Variants in RSPO2 observed in about 807,000 individuals in gnomAD.
The protein encoded by RSPO2 is R-spondin-2.
A neutral mutation model predicts 30.9 loss-of-function variants in RSPO2; 14 were observed. The ratio of observed to expected loss-of-function variants is 0.45; its 90% CI spans 0.30 to 0.71. The LOEUF is 0.71. Ranked by LOEUF, RSPO2 falls within the 30% of genes least tolerant of loss-of-function variation. The pLI, the probability that RSPO2 is intolerant of heterozygous loss-of-function variation, is 0.08. For missense variants in RSPO2, 264 were observed against 301.9 expected (o/e 0.87, Z 0.93); for synonymous variants, 107 against 96.4 (o/e 1.11, Z -0.64).
chr8:107,899,530 A>ATTTTCATAACGATGT lies in RSPO2; in HGVS notation c.*1530_*1544dup, dbSNP rs1238924012. 6.6e-6 allele frequency: 1 copy of ATTTTCATAACGATGT among 152,492 alleles called. No homozygotes were observed. The highest frequency in any genetic ancestry group is 1.5e-5 in the Non-Finnish European group (1 of 68,034). The allele number at this position is 152,492 out of a possible 1,614,324, so 9.4% of individuals were successfully genotyped here. On this transcript the variant is annotated 3_prime_UTR_variant, in exon 6 of 6. Transcript: ENST00000276659. ...ATGTGGCTTATTATCTCATAGCAAT[A>ATTTTCATAACGATGT]TTTTCATAACGATGTATATGATATT...
At chr8:107,980,563 G>A (rs552636970) in intron 3 of RSPO2, among the ~76,000 whole-genome samples, 1 of 152,292 alleles carries the variant, frequency 6.6e-6, no homozygotes, top group African/African-American at 2.4e-5. Flanking sequence ...TCTGGTTTAA[G>A]TGTAATCAGA....
At chr8:107,920,078 GA>G (rs1199774647) in intron 5 of RSPO2, among the ~76,000 whole-genome samples, 2 of 151,976 alleles carry the variant, frequency 1.3e-5, no homozygotes, top group Non-Finnish European at 2.9e-5. Context: ...ACAAGATATG[GA>G]AATGACCAAA....
chr8:108,072,751 A>G (rs750221475), intron 2 of RSPO2, among the ~76,000 whole-genome samples: 8 of 152,072 alleles, frequency 5.3e-5, no homozygotes, highest in Admixed American at 3.3e-4. Flanking sequence ...AAATAACAAC[A>G]ACAACTTTGG....
intron 5 of RSPO2, among the ~76,000 whole-genome samples, chr8:107,919,981 A>G (rs1442419053): frequency 3.3e-5 from 5 of 152,174 alleles, no homozygotes; most frequent in Non-Finnish European, 7.4e-5. Flanking sequence ...AGCGTCCAGT[A>G]TTTTATGCCA....
Position 108,082,655 on chromosome 8 carries a change from G to A in RSPO2, c.-17C>T. The A allele has an allele frequency of 6.2e-7, 1 of 1,603,844 alleles. No homozygotes were observed. Among genetic ancestry groups the A allele is most frequent in the Non-Finnish European group, 8.5e-7 (1 of 1,170,944 alleles). ...AAACTGCATCTGGGCGGTCGGGCGG[G>A]GGAGAGACGCCTCTCAAAGTCTAGG... On this transcript the variant is annotated 5_prime_UTR_variant, in exon 2 of 6. Transcript: ENST00000276659.
At chr8:107,911,359 T>G (rs1811821013) in intron 5 of RSPO2, among the ~76,000 whole-genome samples, 1 of 152,196 alleles carries the variant, frequency 6.6e-6, no homozygotes, top group Non-Finnish European at 1.5e-5. Flanking sequence ...GGGTACAACA[T>G]GATACTAGCC....
chr8:108,043,543 T>C (rs991353436), intron 2 of RSPO2, among the ~76,000 whole-genome samples: 2 of 151,892 alleles, frequency 1.3e-5, no homozygotes, highest in Admixed American at 6.6e-5. Flanking sequence ...TGCTACAGAA[T>C]GGTTAATTTG....
intron 2 of RSPO2, among the ~76,000 whole-genome samples, chr8:108,035,165 T>A (rs904261060): frequency 6.6e-6 from 1 of 152,194 alleles, no homozygotes; most frequent in African/African-American, 2.4e-5. Flanking sequence ...GAAGTAGCAA[T>A]AGAGCTTTAG....
chr8:108,027,254 T>G (rs2130625340), intron 2 of RSPO2, among the ~76,000 whole-genome samples: 1 of 152,372 alleles, frequency 6.6e-6, no homozygotes, highest in Non-Finnish European at 1.5e-5. Flanking sequence ...TCTCAGTAGT[T>G]AGATTTATCC....
At chr8:107,911,724 T>C (rs1811834091) in intron 5 of RSPO2, among the ~76,000 whole-genome samples, 1 of 152,164 alleles carries the variant, frequency 6.6e-6, no homozygotes, top group South Asian at 2.1e-4. Flanking sequence ...AGAAGTTAAG[T>C]AAATAGCACA....
At chr8:107,939,744 G>GA (rs922434019) in intron 5 of RSPO2, among the ~76,000 whole-genome samples, 80 of 151,004 alleles carry the variant, frequency 5.3e-4, no homozygotes, top group African/African-American at 1.8e-3. Context: ...AACATAACAA[G>GA]AAAAAAAACA....
At chr8:107,917,341 C>T (rs1489566804) in intron 5 of RSPO2, among the ~76,000 whole-genome samples, 4 of 151,956 alleles carry the variant, frequency 2.6e-5, no homozygotes, top group Admixed American at 1.3e-4. Context: ...AAAAATTAGC[C>T]GAGCATGGTG....
chr8:108,014,915 A>G (rs867338812), intron 2 of RSPO2, among the ~76,000 whole-genome samples: 1 of 152,312 alleles, frequency 6.6e-6, no homozygotes, highest in African/African-American at 2.4e-5. Context: ...TCGGGGGGAA[A>G]AAAGAACACT....
chr8:107,993,161 G>A (rs1436897765), intron 2 of RSPO2, among the ~76,000 whole-genome samples: 1 of 152,148 alleles, frequency 6.6e-6, no homozygotes, highest in Non-Finnish European at 1.5e-5. Flanking sequence ...AGCATTCAGA[G>A]TTTCCGCATT....
At chr8:107,992,869 G>A (rs1814892205) in intron 2 of RSPO2, among the ~76,000 whole-genome samples, 1 of 152,120 alleles carries the variant, frequency 6.6e-6, no homozygotes, top group African/African-American at 2.4e-5. Flanking sequence ...TTAACCAGGT[G>A]AGCAAAATGA....
At chr8:108,009,773 G>C (rs192892100) in intron 2 of RSPO2, among the ~76,000 whole-genome samples, 2 of 152,196 alleles carry the variant, frequency 1.3e-5, no homozygotes, top group African/African-American at 4.8e-5. Context: ...GAATAGGCTG[G>C]TTGCGGTGGC....
chr8:108,038,849 A>G (rs1475405572), intron 2 of RSPO2, among the ~76,000 whole-genome samples: 1 of 152,174 alleles, frequency 6.6e-6, no homozygotes, highest in Non-Finnish European at 1.5e-5. Context: ...AGACTACAGC[A>G]CAGTGTAAAC....
intron 2 of RSPO2, among the ~76,000 whole-genome samples, chr8:108,023,730 T>C (rs1009427315): frequency 4.6e-5 from 7 of 151,998 alleles, no homozygotes; most frequent in African/African-American, 1.7e-4. Context: ...GACAAACAAG[T>C]GTTTGGGAAA....
At chr8:107,959,660 G>A (rs1813554363) in intron 4 of RSPO2, among the ~76,000 whole-genome samples, 1 of 152,152 alleles carries the variant, frequency 6.6e-6, no homozygotes, top group South Asian at 2.1e-4. Context: ...CTAAACATGT[G>A]TAATGTGTGT....
Sources: allele counts gnomAD v4.1 joint callset (sites outside exome capture counted in the v4.1 genomes callset), GRCh38; gene constraint gnomAD v4.1.1; transcripts MANE v1.5; gene names NCBI Gene and HGNC (gene_info 2026-07-23, HGNC 2026-07-21).